Variants in MACROH2A2 observed in about 807,000 individuals in gnomAD.
The protein encoded by MACROH2A2 is macroH2A.2 histone.
A neutral mutation model predicts 37.6 loss-of-function variants in MACROH2A2; 6 were observed. That is an observed-to-expected ratio of 0.16 (90% CI 0.09 to 0.32). The LOEUF (loss-of-function observed/expected upper bound fraction) is 0.32. MACROH2A2 is among the 10% of genes least tolerant of loss of function. The pLI, the probability that MACROH2A2 is intolerant of heterozygous loss-of-function variation, is 1.00. For missense variants in MACROH2A2, 290 were observed against 485.9 expected (o/e 0.60, Z 3.79); for synonymous variants, 192 against 202.7 (o/e 0.95, Z 0.45).
intron 7 of MACROH2A2, among the ~76,000 whole-genome samples, chr10:70,104,277 T>C (rs1008707472): frequency 6.6e-6 from 1 of 151,746 alleles, no homozygotes; most frequent in Admixed American, 6.6e-5. Flanking sequence ...CTGGGGCACA[T>C]TAGTATAACA....
chr10:70,072,408 G>A (rs1200071954), intron 1 of MACROH2A2, among the ~76,000 whole-genome samples: 4 of 152,028 alleles, frequency 2.6e-5, no homozygotes, highest in Non-Finnish European at 4.4e-5. Context: ...TAACACGCAC[G>A]GAGCTGTCAT....
At chr10:70,099,199 CAAAG>C (rs923813825) in intron 6 of MACROH2A2, 1 of 152,240 alleles carries the variant, frequency 6.6e-6, no homozygotes. Flanking sequence ...AGAACATTAA[CAAAG>C]AAAACCCCTC....
At chr10:70,061,115 G>A (rs2072048022) in intron 1 of MACROH2A2, among the ~76,000 whole-genome samples, 1 of 152,198 alleles carries the variant, frequency 6.6e-6, no homozygotes, top group African/African-American at 2.4e-5. Context: ...CATGTGCTAA[G>A]GGGTTTTTCT....
intron 1 of MACROH2A2, among the ~76,000 whole-genome samples, chr10:70,057,006 G>A (rs996371587): frequency 1.3e-5 from 2 of 152,026 alleles, no homozygotes; most frequent in African/African-American, 4.8e-5. Context: ...AATATACACT[G>A]GGATGTATAT....
At chr10:70,089,358 T>C (rs2072230218) in intron 2 of MACROH2A2, among the ~76,000 whole-genome samples, 1 of 152,208 alleles carries the variant, frequency 6.6e-6, no homozygotes, top group African/African-American at 2.4e-5. Flanking sequence ...TCAGTTTCCT[T>C]CTGTGCTCTT....
chr10:70,070,859 A>C (rs1460621965), intron 1 of MACROH2A2, among the ~76,000 whole-genome samples: 1 of 152,084 alleles, frequency 6.6e-6, no homozygotes, highest in Non-Finnish European at 1.5e-5. Flanking sequence ...CCTAAGTTCC[A>C]ATTTTTAGGG....
chr10:70,072,459 A>G (rs2072116298), intron 1 of MACROH2A2, among the ~76,000 whole-genome samples: 1 of 152,158 alleles, frequency 6.6e-6, no homozygotes, highest in African/African-American at 2.4e-5. Context: ...TACCTCCTGA[A>G]GGATCCATTT....
chr10:70,107,519 A>C lies in MACROH2A2; in HGVS notation c.779-1514A>C, dbSNP rs939811564. ...GGGGGCAAGCATGGCTCATGGCTGA[A>C]GCTGCAGCTGCCTCAGGCAGATCCG... is the stretch of plus-strand genomic sequence containing the variant. On this transcript the variant is annotated intron_variant, in intron 7 of 8. Transcript: ENST00000373255. The surrounding 1 kb of genome is among the most constrained non-coding windows in gnomAD (Gnocchi z 4.4). 6.6e-6 allele frequency among the ~76,000 whole-genome samples: 1 copy of C among 152,182 alleles called. No homozygotes were observed. The highest frequency in any genetic ancestry group is 1.5e-5 in the Non-Finnish European group (1 of 68,022).
intron 7 of MACROH2A2, among the ~76,000 whole-genome samples, chr10:70,105,879 T>C (rs942956348): frequency 6.6e-6 from 1 of 152,064 alleles, no homozygotes; most frequent in Non-Finnish European, 1.5e-5. Flanking sequence ...TGGGCACGTG[T>C]TAGCCCTGGG....
rs188335367 is a variant in MACROH2A2 at position 70,090,089 on chromosome 10, G to A, written c.202G>A (p.Ala68Thr). The A allele has an allele frequency of 9.3e-6, 15 of 1,613,748 alleles. No individual in the cohort carries two copies. Among genetic ancestry groups the A allele is most frequent in the African/African-American group, 4.0e-5 (3 of 75,042 alleles). The change falls in exon 3 of 9, where the codon GCG becomes ACG. Residue 68 changes from alanine to threonine, a missense_variant. This residue lies in a region of MACROH2A2 where 83 missense variants were observed against 159.9 expected (regional missense o/e 0.52). Coordinates refer to ENST00000373255, the MANE Select transcript of MACROH2A2 (RefSeq NM_018649.3). ...AEILELAGNA[A>T]RDNKKARIAP... is the part of the protein sequence containing the mutation. Reference sequence around the variant, plus strand: ...AATTCTAGAATTGGCCGGCAATGCCGCGAGGGACAACAAGAAGGCCCGGAT... The same window carrying A: ...AATTCTAGAATTGGCCGGCAATGCCACGAGGGACAACAAGAAGGCCCGGAT...
chr10:70,105,768 C>A, intron 7 of MACROH2A2, among the ~76,000 whole-genome samples: 1 of 152,006 alleles, frequency 6.6e-6, no homozygotes, highest in East Asian at 1.9e-4. Context: ...AAATGAAGCA[C>A]ATGGGCCTGA....
At position 70,075,793 on chromosome 10, in the gene MACROH2A2, C is replaced by T. The variant is rs750381701; in HGVS notation, c.135C>T (p.Ala45=). 7 of 1,613,814 alleles carry T rather than the reference C, an allele frequency of 4.3e-6. No homozygotes were observed. In the African/African-American group the frequency reaches 6.7e-5, roughly 15 times the overall value. Residue 45 remains alanine, a synonymous_variant, in exon 2 of 9, where the codon GCC becomes GCT. Coordinates refer to ENST00000373255, the MANE Select transcript of MACROH2A2 (RefSeq NM_018649.3). This position sits in a 1 kb window ranked among gnomAD's most constrained non-coding sequence, Gnocchi z 5.0. ...TCAAGTACCGGATCAGCGTGGGCGC[C>T]CCTGTCTACATGGCGGCAGTCATTG... ...GTFKYRISVG[A]PVYMAAVIEY...
intron 8 of MACROH2A2, among the ~76,000 whole-genome samples, chr10:70,110,683 G>A (rs1476368096): frequency 1.3e-5 from 2 of 150,656 alleles, no homozygotes; most frequent in East Asian, 2.0e-4. Flanking sequence ...CCAGGAGTTC[G>A]AGACCAGCCT....
At chr10:70,098,312 AAG>A (rs202040141) in intron 6 of MACROH2A2, 1 of 146,148 alleles carries the variant, frequency 6.8e-6, no homozygotes, top group African/African-American at 2.5e-5. Context: ...GGGAAAGAAA[AAG>A]AGAGAAAGAG....
intron 1 of MACROH2A2, among the ~76,000 whole-genome samples, chr10:70,071,987 TTAA>T (rs574218113): frequency 2.0e-5 from 3 of 152,204 alleles, no homozygotes; most frequent in Non-Finnish European, 4.4e-5. Context: ...AATATTTTCC[TTAA>T]TAATAAATTA....
At chr10:70,108,322 T>C (rs961630480) in intron 7 of MACROH2A2, among the ~76,000 whole-genome samples, 1 of 152,352 alleles carries the variant, frequency 6.6e-6, no homozygotes, top group Admixed American at 6.5e-5. Context: ...ATTTGTCTTC[T>C]TACAGTTCTG....
At chr10:70,101,026 C>G (rs1035918182) in intron 7 of MACROH2A2, among the ~76,000 whole-genome samples, 2 of 152,176 alleles carry the variant, frequency 1.3e-5, no homozygotes, top group African/African-American at 4.8e-5. Flanking sequence ...CACACAGAAA[C>G]CCTGTTGGGT....
chr10:70,086,510 G>A (rs1301654041), intron 2 of MACROH2A2, among the ~76,000 whole-genome samples: 4 of 152,314 alleles, frequency 2.6e-5, no homozygotes, highest in Non-Finnish European at 5.9e-5. Context: ...GTCTGTGAAT[G>A]TCTGTGCATC....
chr10:70,105,782 G>A (rs1477007997), intron 7 of MACROH2A2, among the ~76,000 whole-genome samples: 5 of 152,166 alleles, frequency 3.3e-5, no homozygotes, highest in Admixed American at 2.6e-4. Flanking sequence ...GGCCTGAAAT[G>A]AGACAAGGCA....
Sources: gnomAD v4.1 joint callset for allele counts (sites outside exome capture counted in the v4.1 genomes callset) on GRCh38, gnomAD v4.1.1 for gene constraint, gnomAD v4.1.1 regional missense constraint, Gnocchi (gnomAD v3.1) non-coding constraint, MANE v1.5 for transcripts, NCBI Gene and HGNC (gene_info 2026-07-23, HGNC 2026-07-21) for gene names.